Variants in CAB39L observed in about 807,000 individuals in gnomAD.
CAB39L encodes the protein calcium-binding protein 39-like.
Under a neutral mutation model 39.1 loss-of-function variants are expected in CAB39L, and 23 were observed. The ratio of observed to expected loss-of-function variants is 0.59; its 90% CI spans 0.42 to 0.83. The LOEUF (loss-of-function observed/expected upper bound fraction) is 0.83. Ranked by LOEUF, CAB39L falls within the 40% of genes least tolerant of loss-of-function variation. The pLI is 0.00. For missense variants in CAB39L, 366 were observed against 391.9 expected (o/e 0.93, Z 0.56); for synonymous variants, 126 against 137.2 (o/e 0.92, Z 0.57).
chr13:49,342,734 C>A (rs1362230389), intron 8 of CAB39L, among the ~76,000 whole-genome samples: 1 of 152,104 alleles, frequency 6.6e-6, no homozygotes, highest in African/African-American at 2.4e-5. Context: ...GGGCCATACG[C>A]GGCTACTGAG....
At chr13:49,426,710 C>A (rs1200784250) in intron 3 of CAB39L, among the ~76,000 whole-genome samples, 1 of 152,162 alleles carries the variant, frequency 6.6e-6, no homozygotes, top group Non-Finnish European at 1.5e-5. Flanking sequence ...CAGGAGTGAG[C>A]CACCGCGCCC....
chr13:49,355,415 C>T (rs1955458276), intron 6 of CAB39L, among the ~76,000 whole-genome samples: 1 of 151,880 alleles, frequency 6.6e-6, no homozygotes, highest in Admixed American at 6.6e-5. Flanking sequence ...TAGTTCTGTC[C>T]ACCAAAAAGG....
intron 3 of CAB39L, among the ~76,000 whole-genome samples, chr13:49,395,665 C>T (rs193181697): frequency 3.3e-5 from 5 of 152,308 alleles, no homozygotes; most frequent in Admixed American, 6.5e-5. Context: ...GGAACTCACA[C>T]CCTGTAGATT....
At chr13:49,416,128 C>A (rs76706124) in intron 3 of CAB39L, among the ~76,000 whole-genome samples, 2,363 of 152,300 alleles carry the variant, frequency 0.016, 73 homozygotes, top group African/African-American at 0.053. Context: ...TCTGGAAAGT[C>A]TTGCTTTTAC....
chr13:49,315,158 C>T (rs956734260), intron 10 of CAB39L, among the ~76,000 whole-genome samples: 1 of 152,162 alleles, frequency 6.6e-6, no homozygotes, highest in Non-Finnish European at 1.5e-5. Context: ...TCTGTTCTTT[C>T]CATCAAAGGT....
At chr13:49,399,188 T>C (rs191195696) in intron 3 of CAB39L, among the ~76,000 whole-genome samples, 1 of 152,220 alleles carries the variant, frequency 6.6e-6, no homozygotes, top group Non-Finnish European at 1.5e-5. Context: ...AGGTACCTAC[T>C]ATGTGCCACA....
chr13:49,309,994 T>C lies in CAB39L; in HGVS notation c.*820A>G, dbSNP rs535725988. ...ACTTACAGCAGAAAGCATTCACCCA[T>C]GACCATTATGAAGGAAATATTCTGT... On this transcript the variant is annotated 3_prime_UTR_variant, in exon 11 of 11. Transcript: ENST00000409308. The C allele has an allele frequency of 6.6e-6, 1 of 152,324 alleles. No individual in the cohort carries two copies. Among genetic ancestry groups the C allele is most frequent in the Non-Finnish European group, 1.5e-5 (1 of 68,144 alleles). The allele number at this position is 152,324 out of a possible 1,614,324, so 9.4% of individuals were successfully genotyped here. A position where few individuals can be genotyped will look rare whatever the true frequency, so the allele number is the denominator to read the frequency against.
chr13:49,423,346 A>G (rs146522258), intron 3 of CAB39L, among the ~76,000 whole-genome samples: 21 of 152,332 alleles, frequency 1.4e-4, no homozygotes, highest in African/African-American at 4.1e-4. Context: ...ATCACAAAAT[A>G]TAATAATAAA....
chr13:49,390,377 C>T (rs888202451), intron 3 of CAB39L, among the ~76,000 whole-genome samples: 1 of 152,162 alleles, frequency 6.6e-6, no homozygotes, highest in African/African-American at 2.4e-5. Context: ...CTTACAAAGT[C>T]CTGGGATAAT....
intron 10 of CAB39L, among the ~76,000 whole-genome samples, chr13:49,313,402 A>AC (rs1350524088): frequency 1.3e-5 from 2 of 151,404 alleles, no homozygotes; most frequent in African/African-American, 4.9e-5. Context: ...AATGGCGTGA[A>AC]CCCAGGAGGC....
chr13:49,339,513 G>A (rs933649595), intron 9 of CAB39L, among the ~76,000 whole-genome samples, 164 bp downstream of exon 9: 2 of 151,992 alleles, frequency 1.3e-5, no homozygotes, highest in African/African-American at 4.8e-5. Flanking sequence ...ACATTATTTT[G>A]CTATAAAATA....
At chr13:49,397,953 T>C (rs1301275769) in intron 3 of CAB39L, among the ~76,000 whole-genome samples, 4 of 151,864 alleles carry the variant, frequency 2.6e-5, no homozygotes, top group Non-Finnish European at 5.9e-5. Flanking sequence ...TTTGGTTAGT[T>C]ACTGTTATTG....
intron 1 of CAB39L, among the ~76,000 whole-genome samples, chr13:49,442,815 A>AAAAAAAC (rs1957561090): frequency 6.7e-6 from 1 of 149,032 alleles, no homozygotes; most frequent in African/African-American, 2.5e-5. Context: ...AAAAAAAAAA[A>AAAAAAAC]AAAACATCAA....
chr13:49,368,010 T>C (rs1463986671), intron 5 of CAB39L, among the ~76,000 whole-genome samples: 1 of 152,160 alleles, frequency 6.6e-6, no homozygotes, highest in African/African-American at 2.4e-5. Flanking sequence ...AAAAAAGATA[T>C]AGCTGTAAGC....
At chr13:49,399,962 TA>T (rs1342272162) in intron 3 of CAB39L, among the ~76,000 whole-genome samples, 2 of 149,156 alleles carry the variant, frequency 1.3e-5, no homozygotes, top group African/African-American at 2.5e-5. Flanking sequence ...GTCAACAGTC[TA>T]AAAAAAAAAT....
intron 5 of CAB39L, among the ~76,000 whole-genome samples, chr13:49,370,187 T>C (rs1007115962): frequency 1.3e-5 from 2 of 152,060 alleles, no homozygotes; most frequent in Non-Finnish European, 2.9e-5. Flanking sequence ...AAATTCAAAT[T>C]GGACTAATTT....
At chr13:49,429,717 C>T (rs1957291867) in intron 3 of CAB39L, among the ~76,000 whole-genome samples, 1 of 152,110 alleles carries the variant, frequency 6.6e-6, no homozygotes, top group African/African-American at 2.4e-5. Flanking sequence ...CCAAGTACCT[C>T]GTTGAATTCT....
At chr13:49,341,085 T>C (rs571736797) in intron 8 of CAB39L, among the ~76,000 whole-genome samples, 2 of 152,228 alleles carry the variant, frequency 1.3e-5, no homozygotes, top group Non-Finnish European at 2.9e-5. Flanking sequence ...TTAGTTGATA[T>C]TGTAGATTTA....
At chr13:49,407,434 A>C (rs1434770574) in intron 3 of CAB39L, among the ~76,000 whole-genome samples, 7 of 152,290 alleles carry the variant, frequency 4.6e-5, no homozygotes, top group African/African-American at 1.7e-4. Flanking sequence ...TTTAAGGTAC[A>C]TTATTGAATT....
Sources: allele counts gnomAD v4.1 joint callset (sites outside exome capture counted in the v4.1 genomes callset), GRCh38; gene constraint gnomAD v4.1.1; transcripts MANE v1.5; gene names NCBI Gene and HGNC (gene_info 2026-07-23, HGNC 2026-07-21).